The following FBXW2 variants were observed in gnomAD, a reference collection of about 807,000 sequenced individuals.
FBXW2 encodes F-box and WD repeat domain containing 2, also known as F-box/WD repeat-containing protein 2.
Under a neutral mutation model 46.0 loss-of-function variants are expected in FBXW2, and 12 were observed. The observed-to-expected ratio is 0.26, with a 90% confidence interval of 0.17 to 0.42. FBXW2 has a LOEUF of 0.42. Ranked by LOEUF, FBXW2 falls within the 10% of genes least tolerant of loss-of-function variation. The pLI, the probability that FBXW2 is intolerant of heterozygous loss-of-function variation, is 1.00. For missense variants in FBXW2, 360 were observed against 537.0 expected (o/e 0.67, Z 3.26); for synonymous variants, 203 against 209.6 (o/e 0.97, Z 0.27).
intron 3 of FBXW2, among the ~76,000 whole-genome samples, chr9:120,781,689 C>CAT (rs1327199667): frequency 2.6e-5 from 4 of 151,376 alleles, no homozygotes; most frequent in Non-Finnish European, 5.9e-5. Flanking sequence ...CACACACACA[C>CAT]ATATATACAT....
chr9:120,775,676 G>A (rs965935120), intron 5 of FBXW2, among the ~76,000 whole-genome samples: 8 of 151,936 alleles, frequency 5.3e-5, no homozygotes, highest in African/African-American at 1.9e-4. Context: ...TCTTGTAAGC[G>A]TTATTTTTTC....
At chr9:120,784,898 G>T (rs1459310059) in intron 3 of FBXW2, among the ~76,000 whole-genome samples, 1 of 149,032 alleles carries the variant, frequency 6.7e-6, no homozygotes, top group Non-Finnish European at 1.5e-5. Flanking sequence ...TCTAGCCCGG[G>T]TGACAGAGGA....
chr9:120,774,209 C>T lies in FBXW2; in HGVS notation c.820-1369G>A, dbSNP rs62581677. 8.9e-3 allele frequency among the ~76,000 whole-genome samples: 1,349 copies of T among 151,968 alleles called. 12 individuals carry two copies. Among genetic ancestry groups the T allele is most frequent in the South Asian group, 0.017 (81 of 4,806 alleles). On this transcript the variant is annotated intron_variant, in intron 5 of 7. Transcript: ENST00000608872. Reference sequence around the variant, plus strand: ...AAAATTAGCCAGGCATGGTGGTGGGCGCCTGTAATCCCAGCTACTCTGGAG... The same window carrying T: ...AAAATTAGCCAGGCATGGTGGTGGGTGCCTGTAATCCCAGCTACTCTGGAG...
intron 7 of FBXW2, among the ~76,000 whole-genome samples, chr9:120,770,691 A>G (rs763998274): frequency 2.1e-4 from 32 of 152,258 alleles, no homozygotes; most frequent in Non-Finnish European, 2.4e-4. Context: ...AGCCCATTAG[A>G]GATGGCACCA....
At chr9:120,783,606 T>C (rs1159200521) in intron 3 of FBXW2, among the ~76,000 whole-genome samples, 1 of 152,200 alleles carries the variant, frequency 6.6e-6, no homozygotes, top group East Asian at 1.9e-4. Context: ...GAAAGGCAAG[T>C]GTTCTTGATT....
chr9:120,773,188 TAA>T (rs34998032), intron 5 of FBXW2, among the ~76,000 whole-genome samples: 28 of 137,470 alleles, frequency 2.0e-4, no homozygotes, highest in Admixed American at 6.6e-4. Context: ...CCACAACGCT[TAA>T]AAAAAAAAAA....
chr9:120,770,626 T>C (rs1214130187), intron 7 of FBXW2, among the ~76,000 whole-genome samples: 1 of 152,192 alleles, frequency 6.6e-6, no homozygotes, highest in Non-Finnish European at 1.5e-5. Context: ...ATAGTCACTT[T>C]ATAGATGATG....
intron 3 of FBXW2, among the ~76,000 whole-genome samples, chr9:120,782,464 C>CAA (rs112831052): frequency 4.8e-5 from 7 of 144,382 alleles, no homozygotes; most frequent in African/African-American, 1.5e-4. Context: ...GACTCTGTCT[C>CAA]AAAAAAAAAA....
rs1040826685 is a variant in FBXW2 at position 120,793,363 on chromosome 9, C to T, written c.-139G>A. On this transcript the variant is annotated 5_prime_UTR_variant, in exon 1 of 8. Transcript: ENST00000608872. ...CGCCTCGCATACAGACCCGGACCTG[C>T]GGCCGCTGCTCCCGGTCCGCAGCCT... is the stretch of plus-strand genomic sequence containing the variant. The T allele has an allele frequency of 5.0e-6, 2 of 401,434 alleles. No homozygotes were observed. The highest frequency in any genetic ancestry group is 8.8e-6 in the Non-Finnish European group (2 of 227,760). 24.9% of individuals were successfully genotyped at this position (401,434 alleles called of 1,614,324 possible).
chr9:120,785,549 A>G (rs1443258626), intron 3 of FBXW2, among the ~76,000 whole-genome samples: 1 of 152,242 alleles, frequency 6.6e-6, no homozygotes, highest in Non-Finnish European at 1.5e-5. Flanking sequence ...CAGAGAAAAT[A>G]TCACCACATA....
chr9:120,767,674 T>G (rs1488211248), intron 7 of FBXW2, among the ~76,000 whole-genome samples: 2 of 152,200 alleles, frequency 1.3e-5, no homozygotes, highest in African/African-American at 4.8e-5. Context: ...ACAAAGTTCC[T>G]CACACTCAAA....
At chr9:120,792,800 A>G in intron 2 of FBXW2, 1 of 1,148,782 alleles carries the variant, frequency 8.7e-7, no homozygotes, top group South Asian at 1.3e-5. Context: ...GCACGCTGTA[A>G]GCCTACAGTA....
chr9:120,764,872 G>A, intron 7 of FBXW2, 25 bp from the exon 8 acceptor site: 1 of 1,500,524 alleles, frequency 6.7e-7, no homozygotes, highest in Non-Finnish European at 8.9e-7. Flanking sequence ...GTTAGGGACT[G>A]TGAAAGAAGG....
At chr9:120,778,710 T>A (rs1267114762) in intron 3 of FBXW2, among the ~76,000 whole-genome samples, 165 bp from the exon 4 acceptor site, 1 of 152,326 alleles carries the variant, frequency 6.6e-6, no homozygotes, top group East Asian at 1.9e-4. Flanking sequence ...ACAACTTGCT[T>A]AGAGTCACCA....
intron 6 of FBXW2, among the ~76,000 whole-genome samples, chr9:120,772,367 C>T (rs1462057481): frequency 6.6e-6 from 1 of 151,974 alleles, no homozygotes; most frequent in East Asian, 1.9e-4. Context: ...GTAGCAGGCG[C>T]CTGTAGTCCC....
intron 7 of FBXW2, among the ~76,000 whole-genome samples, chr9:120,767,499 AGG>A (rs1284462060): frequency 6.6e-6 from 1 of 152,230 alleles, no homozygotes; most frequent in Non-Finnish European, 1.5e-5. Flanking sequence ...CTTCAAGTAA[AGG>A]GGAATCAGAG....
At chr9:120,774,146 G>A (rs1244662401) in intron 5 of FBXW2, among the ~76,000 whole-genome samples, 1 of 152,004 alleles carries the variant, frequency 6.6e-6, no homozygotes, top group African/African-American at 2.4e-5. Flanking sequence ...GACCAGCCTG[G>A]CCAACACAAT....
Sources: gnomAD v4.1 joint callset for allele counts (sites outside exome capture counted in the v4.1 genomes callset) on GRCh38, gnomAD v4.1.1 for gene constraint, MANE v1.5 for transcripts, NCBI Gene and HGNC (gene_info 2026-07-23, HGNC 2026-07-21) for gene names.